Variants in RNF185 observed in about 807,000 individuals in gnomAD.
RNF185 encodes ring finger protein 185.
In RNF185, 13 loss-of-function variants were observed where a neutral mutation model predicts 24.9. That is an observed-to-expected ratio of 0.52 (90% CI 0.34 to 0.83). The LOEUF (loss-of-function observed/expected upper bound fraction) is 0.83. RNF185 is among the 40% of genes least tolerant of loss of function. The pLI, the probability that RNF185 is intolerant of heterozygous loss-of-function variation, is 0.01. For synonymous variants in RNF185, 79 were observed against 90.3 expected, an observed-to-expected ratio of 0.88 and a Z score of 0.71; for missense variants, 184 against 244.7, an observed-to-expected ratio of 0.75 and a Z score of 1.65.
At chr22:31,187,921 T>G (rs73158519) in intron 2 of RNF185, among the ~76,000 whole-genome samples, 153 of 111,294 alleles carry the variant, frequency 1.4e-3, no homozygotes, top group Middle Eastern at 5.8e-3. Context: ...TTTTGGTTTT[T>G]TGTGTGTGTG....
At chr22:31,173,490 A>G (rs532356916) in intron 1 of RNF185, among the ~76,000 whole-genome samples, 9 of 151,754 alleles carry the variant, frequency 5.9e-5, no homozygotes, top group African/African-American at 1.7e-4. Flanking sequence ...TGTGCTGAGT[A>G]AGGAACCTGG....
chr22:31,189,278 A>ATTTT (rs1352436633), intron 2 of RNF185, among the ~76,000 whole-genome samples: 6 of 81,230 alleles, frequency 7.4e-5, no homozygotes, highest in African/African-American at 2.3e-4. Context: ...GCTGTTGTAT[A>ATTTT]TCTTTTTTTT....
chr22:31,173,398 C>T (rs2047948680), intron 1 of RNF185, among the ~76,000 whole-genome samples: 1 of 136,856 alleles, frequency 7.3e-6, no homozygotes, highest in Non-Finnish European at 1.5e-5. Context: ...GATCTGTCAA[C>T]TCATTCACAC....
At chr22:31,188,698 T>C (rs904063462) in intron 2 of RNF185, among the ~76,000 whole-genome samples, 5 of 151,960 alleles carry the variant, frequency 3.3e-5, no homozygotes, top group Non-Finnish European at 4.4e-5. Context: ...GTACCTGTAG[T>C]CCTAGCTACT....
intron 1 of RNF185, among the ~76,000 whole-genome samples, chr22:31,162,294 A>G (rs1254164057): frequency 6.6e-6 from 1 of 152,194 alleles, no homozygotes; most frequent in African/African-American, 2.4e-5. Flanking sequence ...GCTTATTCAG[A>G]TGTTATCCAG....
At chr22:31,181,630 T>C (rs1280164179) in intron 1 of RNF185, among the ~76,000 whole-genome samples, 3 of 152,014 alleles carry the variant, frequency 2.0e-5, no homozygotes, top group Non-Finnish European at 1.5e-5. Context: ...GTAGACTGGA[T>C]TAAGAAAATG....
intron 2 of RNF185, among the ~76,000 whole-genome samples, chr22:31,187,802 A>C (rs1273256070): frequency 6.6e-6 from 1 of 152,186 alleles, no homozygotes; most frequent in South Asian, 2.1e-4. Context: ...TTATATATAG[A>C]TAGATACACT....
intron 1 of RNF185, among the ~76,000 whole-genome samples, chr22:31,166,676 G>C (rs1236198865): frequency 6.8e-6 from 1 of 147,664 alleles, no homozygotes; most frequent in Non-Finnish European, 1.5e-5. Flanking sequence ...TCGAGACAGA[G>C]TCTGGCTCTG....
At chr22:31,179,918 G>A (rs1307248552) in intron 1 of RNF185, among the ~76,000 whole-genome samples, 2 of 152,118 alleles carry the variant, frequency 1.3e-5, no homozygotes, top group Non-Finnish European at 2.9e-5. Context: ...AGGTCACTGT[G>A]TTATTTCATA....
chr22:31,205,404 A>C lies in RNF185; in HGVS notation c.*818A>C, dbSNP rs948529213. The stretch of plus-strand genomic sequence containing the variant: ...AACATACAGCCGAGAATACTGCCGA[A>C]GCTGAGACTGACTACTGTGCATTAG... On this transcript the variant is annotated 3_prime_UTR_variant, in exon 7 of 7. Coordinates refer to ENST00000326132, the MANE Select transcript of RNF185 (RefSeq NM_152267.4). 1 of 165,148 alleles carries C rather than the reference A, an allele frequency of 6.1e-6. No homozygotes were observed. The highest frequency in any genetic ancestry group is 2.4e-5 in the African/African-American group (1 of 41,454). 10.2% of individuals were successfully genotyped at this position (165,148 alleles called of 1,614,324 possible). A position where few individuals can be genotyped will look rare whatever the true frequency, so the allele number is the denominator to read the frequency against.
rs749552946 is a variant in RNF185 at position 31,204,531 on chromosome 22, C to T, written c.524C>T (p.Ser175Leu). 1.2e-6 allele frequency: 2 copies of T among 1,610,800 alleles called. No homozygotes were observed. Among genetic ancestry groups the T allele is most frequent in the Non-Finnish European group, 1.7e-6 (2 of 1,177,014 alleles). Residue 175 changes from serine to leucine, a missense_variant, in exon 7 of 7, where the codon TCA (serine) becomes TTA (leucine). Physicochemically the swap from Ser to Leu is moderately radical, Grantham distance 145. Transcript: ENST00000326132. The part of the protein sequence containing the change: ...TPQYVDEQFL[S>L]RLFLFVALVI... ...CAGTATGTGGACGAGCAGTTCCTGT[C>T]ACGCCTCTTCCTATTTGTGGCCCTG...
rs61736799 is a variant in RNF185, at chr22:31,195,526, C to G, written c.253C>G (p.Arg85Gly). 1 of 1,611,582 alleles carries G rather than the reference C, an allele frequency of 6.2e-7. No homozygotes were observed. The highest frequency in any genetic ancestry group is 1.7e-5 in the Admixed American group (1 of 59,790). ...TCCTGTTTGCAAAGCTGGCATCAGCCGAGACAAGGTCATCCCCCTCTATGG... is the reference window on the plus strand; with the variant it reads ...TCCTGTTTGCAAAGCTGGCATCAGCGGAGACAAGGTCATCCCCCTCTATGG... ...VCPVCKAGIS[R>G]DKVIPLYGRG... Residue 85 changes from arginine to glycine, a missense_variant, in exon 4 of 7, where the codon CGA becomes GGA. By Grantham distance (125) the Arg-to-Gly change is moderately radical. Transcript: ENST00000326132.
chr22:31,200,638 A>G (rs986023940), intron 5 of RNF185, among the ~76,000 whole-genome samples: 1 of 152,194 alleles, frequency 6.6e-6, no homozygotes, highest in Non-Finnish European at 1.5e-5. Flanking sequence ...GCAGTGTAGA[A>G]CATGCACATG....
intron 1 of RNF185, among the ~76,000 whole-genome samples, chr22:31,184,600 C>T (rs1041885808): frequency 3.3e-5 from 5 of 152,116 alleles, no homozygotes; most frequent in Non-Finnish European, 7.4e-5. Flanking sequence ...TCCGAGATCA[C>T]GCCACTGCAC....
chr22:31,176,572 T>A (rs1337642137), intron 1 of RNF185, among the ~76,000 whole-genome samples: 1 of 151,284 alleles, frequency 6.6e-6, no homozygotes, highest in Non-Finnish European at 1.5e-5. Flanking sequence ...CACTGTAAGC[T>A]CCGCCTCCCA....
chr22:31,187,026 C>T (rs1428265491), intron 1 of RNF185, 21 bp from the exon 2 acceptor site: 65 of 1,512,794 alleles, frequency 4.3e-5, no homozygotes, highest in South Asian at 3.3e-4. Flanking sequence ...AATGGACAGT[C>T]AAGAGTTCTC....
chr22:31,179,068 C>G lies in RNF185; in HGVS notation c.-48-7979C>G, dbSNP rs144531191. 3.8e-3 allele frequency among the ~76,000 whole-genome samples: 580 copies of G among 152,212 alleles called. 1 individual carries two copies. Among genetic ancestry groups the G allele is most frequent in the Non-Finnish European group, 6.5e-3 (444 of 67,992 alleles). On this transcript the variant is annotated intron_variant, in intron 1 of 6. Transcript: ENST00000326132. Reference sequence around the variant, plus strand: ...CGATAGATGTGAAATGCTTTGAAAACTAGAGAGTGGATTCTGGTCAGGAGA... The same window carrying G: ...CGATAGATGTGAAATGCTTTGAAAAGTAGAGAGTGGATTCTGGTCAGGAGA...
At chr22:31,193,897 ATT>A (rs113727137) in intron 3 of RNF185, among the ~76,000 whole-genome samples, 10 of 143,554 alleles carry the variant, frequency 7.0e-5, no homozygotes, top group East Asian at 2.1e-4. Context: ...AAGAAAATTA[ATT>A]TTTTTTTTTT....
rs1433520172 is a variant in RNF185 at position 31,187,113 on chromosome 22, T to A, written c.19T>A (p.Ser7Thr). The change falls in exon 2 of 7, where the codon TCG (serine) becomes ACG (threonine). Residue 7 changes from serine (S) to threonine (T), a missense_variant. Physicochemically the swap from Ser to Thr is moderately conservative, Grantham distance 58. Transcript: ENST00000326132. ...GCCAAGGATGGCAAGCAAGGGGCCCTCGGCCTCTGCATCTCCTGAGAACTC... is the reference window on the plus strand; with the variant it reads ...GCCAAGGATGGCAAGCAAGGGGCCCACGGCCTCTGCATCTCCTGAGAACTC... MASKGP[S>T]ASASPENSSA... The A allele has an allele frequency of 6.2e-7, 1 of 1,608,406 alleles. No individual in the cohort carries two copies. The highest frequency in any genetic ancestry group is 1.1e-5 in the South Asian group (1 of 90,644).
Sources: gnomAD v4.1 joint callset for allele counts (sites outside exome capture counted in the v4.1 genomes callset) on GRCh38, gnomAD v4.1.1 for gene constraint, MANE v1.5 for transcripts, NCBI Gene and HGNC (gene_info 2026-07-23, HGNC 2026-07-21) for gene names.